Variants in USP46 observed in about 807,000 individuals in gnomAD.
The protein encoded by USP46 is ubiquitin carboxyl-terminal hydrolase 46.
A neutral mutation model predicts 44.4 loss-of-function variants in USP46; 12 were observed. The ratio of observed to expected loss-of-function variants is 0.27; its 90% CI spans 0.17 to 0.44. The LOEUF (loss-of-function observed/expected upper bound fraction) is 0.44, where lower values mean the gene tolerates loss of function less well. Ranked by LOEUF, USP46 falls within the 20% of genes least tolerant of loss-of-function variation. The pLI is 1.00. For missense variants in USP46, 248 were observed against 444.8 expected, an observed-to-expected ratio of 0.56 and a Z score of 3.98; for synonymous variants, 155 against 161.5, an observed-to-expected ratio of 0.96 and a Z score of 0.31.
chr4:52,655,575 C>T (rs945132752), intron 1 of USP46, among the ~76,000 whole-genome samples: 8 of 152,184 alleles, frequency 5.3e-5, no homozygotes, highest in African/African-American at 1.9e-4. Flanking sequence ...AAAACAAAAA[C>T]TTTCCATTTG....
chr4:52,610,946 CAG>C (rs1232089407), intron 4 of USP46, among the ~76,000 whole-genome samples: 6 of 152,256 alleles, frequency 3.9e-5, no homozygotes, highest in African/African-American at 9.6e-5. Flanking sequence ...GCCCAGATTG[CAG>C]AGTGATAAAA....
chr4:52,644,716 C>T (rs1718475432), intron 1 of USP46, among the ~76,000 whole-genome samples: 1 of 145,406 alleles, frequency 6.9e-6, no homozygotes, highest in Admixed American at 7.1e-5. Context: ...TTGGGGACCG[C>T]TATCTTACAT....
At chr4:52,649,420 C>A (rs1718673316) in intron 1 of USP46, among the ~76,000 whole-genome samples, 1 of 152,168 alleles carries the variant, frequency 6.6e-6, no homozygotes, top group Non-Finnish European at 1.5e-5. Flanking sequence ...CTGAGATTTA[C>A]CAAACAGGAT....
At chr4:52,622,374 A>C (rs1429231156) in intron 4 of USP46, among the ~76,000 whole-genome samples, 1 of 152,212 alleles carries the variant, frequency 6.6e-6, no homozygotes, top group Non-Finnish European at 1.5e-5. Flanking sequence ...AAATAATTTC[A>C]AGACTTACCA....
chr4:52,650,430 T>C (rs1718712101), intron 1 of USP46, among the ~76,000 whole-genome samples: 1 of 152,256 alleles, frequency 6.6e-6, no homozygotes, highest in South Asian at 2.1e-4. Context: ...AAGACATGTT[T>C]GGTAAACACC....
chr4:52,628,190 A>C, intron 2 of USP46, 27 bp from the exon 3 acceptor site: 27 of 1,604,486 alleles, frequency 1.7e-5, no homozygotes, highest in Non-Finnish European at 2.3e-5. Context: ...GGGATGGCTC[A>C]AGTCATTGCC....
At chr4:52,656,657 G>C (rs1718964020) in intron 1 of USP46, 1 of 934,928 alleles carries the variant, frequency 1.1e-6, no homozygotes, top group South Asian at 4.0e-5. Flanking sequence ...CTGTGCCCGA[G>C]TAATACAACA....
At chr4:52,597,770 A>G (rs201223528) in intron 8 of USP46, 29 bp from the exon 9 acceptor site, 833 of 1,461,826 alleles carry the variant, frequency 5.7e-4, no homozygotes, top group Admixed American at 1.3e-3. Flanking sequence ...AAAACAACAC[A>G]ATTACTTAAC....
intron 2 of USP46, chr4:52,629,600 C>T: frequency 4.4e-6 from 2 of 456,230 alleles, no homozygotes; most frequent in Non-Finnish European, 8.8e-6. Flanking sequence ...AGCTTTCCTC[C>T]TTCCATTTTT....
At chr4:52,600,379 G>A (rs1418692865) in intron 7 of USP46, among the ~76,000 whole-genome samples, 3 of 152,122 alleles carry the variant, frequency 2.0e-5, no homozygotes, top group Non-Finnish European at 4.4e-5. Context: ...CTACCTGGAA[G>A]CCACCCAATC....
At chr4:52,657,389 A>G (rs1267081243) in intron 1 of USP46, among the ~76,000 whole-genome samples, 1 of 146,742 alleles carries the variant, frequency 6.8e-6, no homozygotes, top group Non-Finnish European at 1.5e-5. Context: ...GCGTGGGGGG[A>G]GGTTGGGGGC....
At chr4:52,628,310 G>T in intron 2 of USP46, 147 bp from the exon 3 acceptor site, 1 of 686,746 alleles carries the variant, frequency 1.5e-6, no homozygotes, top group Non-Finnish European at 2.4e-6. Context: ...TAGAAAACTA[G>T]TTAACTACTC....
chr4:52,623,613 A>C (rs1317930408), intron 4 of USP46, among the ~76,000 whole-genome samples: 1 of 152,180 alleles, frequency 6.6e-6, no homozygotes, highest in Non-Finnish European at 1.5e-5. Flanking sequence ...TGAATATAAA[A>C]TAGATTAATT....
chr4:52,614,599 C>A (rs2109613258), intron 4 of USP46, among the ~76,000 whole-genome samples: 1 of 152,242 alleles, frequency 6.6e-6, no homozygotes, highest in South Asian at 2.1e-4. Context: ...GAAGAGAATT[C>A]ATTGATATAA....
chr4:52,612,763 C>T (rs367646231), intron 4 of USP46, among the ~76,000 whole-genome samples: 81 of 152,186 alleles, frequency 5.3e-4, no homozygotes, highest in Non-Finnish European at 1.0e-4. Context: ...CTAGACTAGT[C>T]GACCACAAGC....
At position 52,619,171 on chromosome 4, in the gene USP46, A is replaced by G. The variant is rs532658500; in HGVS notation, c.561+6847T>C. ...GTGCCTTTATCAAGGTTATCTGGAA[A>G]AGTCAGCAATGAATTACCCCTTAAA... On this transcript the variant is annotated intron_variant, in intron 4 of 8. Coordinates refer to ENST00000441222, the MANE Select transcript of USP46 (RefSeq NM_022832.4). 1.4e-4 allele frequency among the ~76,000 whole-genome samples: 22 copies of G among 152,296 alleles called. No homozygotes were observed. In the Middle Eastern group the frequency reaches 0.01, roughly 71 times the overall value.
chr4:52,656,212 TG>T, intron 1 of USP46: 1 of 1,414,010 alleles, frequency 7.1e-7, no homozygotes, highest in Middle Eastern at 2.2e-4. Flanking sequence ...TCAAACCAGC[TG>T]GGACCAAAGT....
At chr4:52,645,749 G>A (rs944523017) in intron 1 of USP46, among the ~76,000 whole-genome samples, 32 of 152,190 alleles carry the variant, frequency 2.1e-4, no homozygotes, top group African/African-American at 7.5e-4. Context: ...GTTTGGCTCT[G>A]TGTCCCCACC....
chr4:52,608,765 C>A (rs1716802046), intron 5 of USP46, among the ~76,000 whole-genome samples: 2 of 152,164 alleles, frequency 1.3e-5, no homozygotes, highest in African/African-American at 2.4e-5. Flanking sequence ...GGGCAGAGAG[C>A]CATTGCTCCA....
Sources: allele counts gnomAD v4.1 joint callset (sites outside exome capture counted in the v4.1 genomes callset), GRCh38; gene constraint gnomAD v4.1.1; transcripts MANE v1.5; gene names NCBI Gene and HGNC (gene_info 2026-07-23, HGNC 2026-07-21).